The following NEMF variants were observed in gnomAD, a reference collection of about 807,000 sequenced individuals.
NEMF encodes ribosome quality control complex subunit NEMF.
Under a neutral mutation model 162.2 loss-of-function variants are expected in NEMF, and 89 were observed. That is an observed-to-expected ratio of 0.55 (90% CI 0.46 to 0.65). The LOEUF (loss-of-function observed/expected upper bound fraction) is 0.65, where lower values mean the gene tolerates loss of function less well. Among genes scored for constraint, NEMF ranks in the 30% least tolerant of loss-of-function variants. The pLI is 0.00. For synonymous variants in NEMF, 421 were observed against 404.5 expected, an observed-to-expected ratio of 1.04 and a Z score of -0.49; for missense variants, 1,133 against 1,261.9, an observed-to-expected ratio of 0.90 and a Z score of 1.55.
chr14:49,814,093 T>C (rs777333527), intron 17 of NEMF, 43 bp from the exon 18 acceptor site: 1 of 1,171,884 alleles, frequency 8.5e-7, no homozygotes, highest in Non-Finnish European at 1.3e-6. Flanking sequence ...AAGTCCTAAT[T>C]ATTCTTTTTT....
At position 49,802,450 on chromosome 14, in the gene NEMF, T is replaced by C; in HGVS notation, c.2095+3A>G. ...AGCTAATTTCTTAAAATCTATAAAC[T>C]ACCTAATTGTTCCATTTCTTCTGAT... On this transcript the variant is annotated splice_donor_region_variant and intron_variant, in intron 22 of 32. Transcript: ENST00000298310. The C allele has an allele frequency of 6.2e-7, 1 of 1,612,236 alleles. No homozygotes were observed. The highest frequency in any genetic ancestry group is 8.5e-7 in the Non-Finnish European group (1 of 1,179,404).
intron 19 of NEMF, among the ~76,000 whole-genome samples, chr14:49,803,654 T>C (rs548405511): frequency 6.6e-6 from 1 of 152,142 alleles, no homozygotes; most frequent in South Asian, 2.1e-4. Flanking sequence ...GCCTCCTGAG[T>C]AGCTGGGACT....
chr14:49,806,686 TA>T (rs1891233625), intron 18 of NEMF, among the ~76,000 whole-genome samples: 1 of 152,132 alleles, frequency 6.6e-6, no homozygotes, highest in East Asian at 1.9e-4. Flanking sequence ...CCTACGTAAA[TA>T]AAACATGTCA....
chr14:49,791,601 G>A (rs1890452910), intron 26 of NEMF, among the ~76,000 whole-genome samples: 1 of 151,986 alleles, frequency 6.6e-6, no homozygotes. Context: ...GCTGGGCATA[G>A]TGGTGCACGC....
At chr14:49,847,834 C>A (rs1893584839) in intron 3 of NEMF, among the ~76,000 whole-genome samples, 1 of 151,350 alleles carries the variant, frequency 6.6e-6, no homozygotes. Context: ...GAGTTCAAGA[C>A]CAGCCTGGCC....
chr14:49,845,911 A>C (rs920755788), intron 4 of NEMF: 39 of 530,792 alleles, frequency 7.3e-5, no homozygotes, highest in Middle Eastern at 4.8e-4. Flanking sequence ...TTCATCTCCT[A>C]CATTCATAAG....
intron 7 of NEMF, chr14:49,834,114 G>A (rs927619620): frequency 1.6e-5 from 9 of 570,438 alleles, no homozygotes; most frequent in Non-Finnish European, 2.6e-5. Flanking sequence ...TTTTGAGATG[G>A]GGGTCTCACT....
Position 49,838,164 on chromosome 14 carries a change from C to T in NEMF, c.549G>A (p.Leu183=), listed in dbSNP as rs1377974828. 7 of 1,613,954 alleles carry T rather than the reference C, an allele frequency of 4.3e-6. No individual in the cohort carries two copies. The highest frequency in any genetic ancestry group is 1.1e-5 in the South Asian group (1 of 91,074). The change falls in exon 6 of 33, where the codon CTG becomes CTA. Residue 183 remains leucine (L), a synonymous_variant. Transcript: ENST00000298310. ...GAAGTAATGGGTTAAGCACCCTCTT[C>T]AGTAGTTCACCCTTAGGTGCGCTGG... ...IVASAPKGEL[L]KRVLNPLLPY... is the part of the protein sequence containing the mutation.
intron 16 of NEMF, among the ~76,000 whole-genome samples, chr14:49,819,786 T>C (rs1891905585): frequency 1.3e-5 from 2 of 152,102 alleles, no homozygotes; most frequent in African/African-American, 2.4e-5. Flanking sequence ...GGTAGAGCAA[T>C]TGCATGTACC....
intron 7 of NEMF, chr14:49,834,147 G>C (rs1251649712): frequency 3.4e-6 from 2 of 593,458 alleles, no homozygotes; most frequent in African/African-American, 3.7e-5. Context: ...CTGGAGTGCA[G>C]CTGTGCAGTC....
chr14:49,823,332 T>C (rs1389755469), intron 16 of NEMF, among the ~76,000 whole-genome samples: 1 of 151,400 alleles, frequency 6.6e-6, no homozygotes, highest in Non-Finnish European at 1.5e-5. Flanking sequence ...ATTTAATACA[T>C]CAAAACTATT....
rs1397480507 is a variant in NEMF at position 49,782,141 on chromosome 14, C to T, written c.*2495G>A. On this transcript the variant is annotated 3_prime_UTR_variant, in exon 33 of 33. Transcript: ENST00000298310. ...GAGAACAGATCGTTCAGTTCAAACT[C>T]CTCATTGCATAAATGAGAACGACCA... 2.0e-6 allele frequency: 1 copy of T among 498,042 alleles called. No homozygotes were observed. Among genetic ancestry groups the T allele is most frequent in the Middle Eastern group, 5.2e-4 (1 of 1,918 alleles). The allele number at this position is 498,042 out of a possible 1,614,324, so 30.9% of individuals were successfully genotyped here. A position where few individuals can be genotyped will look rare whatever the true frequency, so the allele number is the denominator to read the frequency against.
At chr14:49,848,315 C>G (rs1893610955) in intron 3 of NEMF, among the ~76,000 whole-genome samples, 1 of 152,012 alleles carries the variant, frequency 6.6e-6, no homozygotes, top group South Asian at 2.1e-4. Context: ...GGTTCTTTTT[C>G]TTATTAACAA....
chr14:49,814,655 A>G (rs1188754302), intron 17 of NEMF, 99 bp downstream of exon 17: 7 of 617,706 alleles, frequency 1.1e-5, no homozygotes, highest in East Asian at 6.1e-5. Context: ...AGTTAAATCT[A>G]TCAAACAGAA....
At chr14:49,848,611 C>T (rs965615862) in intron 3 of NEMF, among the ~76,000 whole-genome samples, 9 of 151,996 alleles carry the variant, frequency 5.9e-5, no homozygotes, top group East Asian at 1.9e-4. Flanking sequence ...CCGAGGCAGG[C>T]GGATCACAAC....
At chr14:49,835,957 A>G (rs1892881017) in intron 6 of NEMF, among the ~76,000 whole-genome samples, 1 of 152,238 alleles carries the variant, frequency 6.6e-6, no homozygotes, top group Non-Finnish European at 1.5e-5. Context: ...ATCTAAATAA[A>G]TAGTCAGACA....
At chr14:49,798,199 T>C (rs539536278) in intron 25 of NEMF, among the ~76,000 whole-genome samples, 1 of 152,330 alleles carries the variant, frequency 6.6e-6, no homozygotes, top group African/African-American at 2.4e-5. Context: ...TAAACTATAG[T>C]CATACAAATG....
rs975447636 is a variant in NEMF, at chr14:49,847,449, C to T, written c.232-1184G>A. 2.6e-5 allele frequency among the ~76,000 whole-genome samples: 4 copies of T among 152,122 alleles called. No individual in the cohort carries two copies. The East Asian group carries it at 5.8e-4, about 22-fold the overall frequency. ...GAACTCCTGAGCTCAGGCAATCTGC[C>T]CACCTCGGCCTCCCAAAGTGTTAGG... is the stretch of plus-strand genomic sequence containing the variant. On this transcript the variant is annotated intron_variant, in intron 3 of 32. Coordinates refer to ENST00000298310, the MANE Select transcript of NEMF (RefSeq NM_004713.6).
rs182863221 is a variant in NEMF at position 49,840,327 on chromosome 14, T to C, written c.506+391A>G. ...AAATACAAAAATTAGCTGGGCGTGG[T>C]GGCGCACGCCTATAGTCCCAGCTAC... On this transcript the variant is annotated intron_variant, in intron 5 of 32. Coordinates refer to ENST00000298310, the MANE Select transcript of NEMF (RefSeq NM_004713.6). Among the ~76,000 whole-genome samples, 97 of 152,248 alleles carry C rather than the reference T, an allele frequency of 6.4e-4. 2 individuals carry two copies. Among genetic ancestry groups the C allele is most frequent in the Admixed American group, 5.6e-3 (85 of 15,286 alleles).
Sources: gnomAD v4.1 joint callset for allele counts (sites outside exome capture counted in the v4.1 genomes callset) on GRCh38, gnomAD v4.1.1 for gene constraint, MANE v1.5 for transcripts, NCBI Gene and HGNC (gene_info 2026-07-23, HGNC 2026-07-21) for gene names.